BSG: variants seen among roughly 807,000 people sequenced by gnomAD.
BSG encodes the protein basigin.
Under a neutral mutation model 43.1 loss-of-function variants are expected in BSG, and 37 were observed. That is an observed-to-expected ratio of 0.86 (90% CI 0.66 to 1.13). The LOEUF is 1.13. Among genes scored for constraint, BSG ranks in the 50% most tolerant of loss-of-function variants. The pLI, the probability that BSG is intolerant of heterozygous loss-of-function variation, is 0.00. For synonymous variants in BSG, 309 were observed against 238.7 expected, an observed-to-expected ratio of 1.29 and a Z score of -2.72; for missense variants, 599 against 554.2, an observed-to-expected ratio of 1.08 and a Z score of -0.81.
chr19:581,715 G>GT (rs1392483636), intron 6 of BSG, 124 bp downstream of exon 6: 35 of 1,300,820 alleles, frequency 2.7e-5, no homozygotes, highest in Non-Finnish European at 3.6e-5. Flanking sequence ...CAGGCAGGGA[G>GT]TTGATGGGAC....
Position 582,745 on chromosome 19 carries a change from C to A in BSG, c.*6-5C>A. The stretch of plus-strand genomic sequence containing the variant: ...TCCAGTCTGAGCGCCCCTCCCTGTC[C>A]ACAGGTGGCCCGAGGACGCTCCCTG... On this transcript the variant is annotated splice_region_variant and splice_polypyrimidine_tract_variant and intron_variant, in intron 8 of 8. Transcript: ENST00000333511. 1 of 732,686 alleles carries A rather than the reference C, an allele frequency of 1.4e-6. No homozygotes were observed. The highest frequency in any genetic ancestry group is 2.2e-6 in the Non-Finnish European group (1 of 444,970). The allele number at this position is 732,686 out of a possible 1,614,324, so 45.4% of individuals were successfully genotyped here.
chr19:577,741 A>C, intron 1 of BSG, 33 bp from the exon 2 acceptor site: 2 of 1,346,578 alleles, frequency 1.5e-6, no homozygotes, highest in Admixed American at 3.4e-5. Flanking sequence ...TGCCCCAGGC[A>C]CTAACAAGAC....
Position 572,618 on chromosome 19 carries a change from G to A in BSG, c.-17G>A. 6.7e-7 allele frequency: 1 copy of A among 1,491,676 alleles called. No homozygotes were observed. Among genetic ancestry groups the A allele is most frequent in the Non-Finnish European group, 8.9e-7 (1 of 1,117,694 alleles). The allele number at this position is 1,491,676 out of a possible 1,614,324, so 92.4% of individuals were successfully genotyped here. A position where few individuals can be genotyped will look rare whatever the true frequency, so the allele number is the denominator to read the frequency against. On this transcript the variant is annotated 5_prime_UTR_variant, in exon 1 of 9. Coordinates refer to ENST00000333511, the MANE Select transcript of BSG (RefSeq NM_001728.4). ...GGCAGCGGTTGGAGGTTGTAGGACC[G>A]GCGAGGAATAGGAATCATGGCGGCT...
intron 1 of BSG, among the ~76,000 whole-genome samples, chr19:575,565 C>G (rs1460226577): frequency 2.9e-5 from 4 of 137,742 alleles, no homozygotes; most frequent in African/African-American, 1.1e-4. Flanking sequence ...GAGGCTGCTT[C>G]CCAGAGCTGT....
chr19:576,525 G>T (rs953631652), intron 1 of BSG, among the ~76,000 whole-genome samples: 2 of 152,334 alleles, frequency 1.3e-5, no homozygotes, highest in South Asian at 2.1e-4. Context: ...ACTTTGGGAG[G>T]CCCAAGAGGG....
chr19:582,941 A>C lies in BSG; in HGVS notation c.*197A>C. ...TGTTCCTTAGGTTTTTTTCCTTCTG[A>C]AGTGTTTCACGAGAGCCCGGGAGCT... On this transcript the variant is annotated 3_prime_UTR_variant, in exon 9 of 9. Coordinates refer to ENST00000333511, the MANE Select transcript of BSG (RefSeq NM_001728.4). The C allele has an allele frequency of 3.6e-6, 1 of 277,656 alleles. No individual in the cohort carries two copies. The allele number at this position is 277,656 out of a possible 1,614,324, so 17.2% of individuals were successfully genotyped here.
At position 580,388 on chromosome 19, in the gene BSG, C is replaced by A. The variant is rs2229664; in HGVS notation, c.582C>A (p.Ser194=). 1 of 1,610,242 alleles carries A rather than the reference C, an allele frequency of 6.2e-7. No homozygotes were observed. The highest frequency in any genetic ancestry group is 2.2e-5 in the East Asian group (1 of 44,860). The change falls in exon 4 of 9, where the codon TCC becomes TCA. Residue 194 remains serine (S), a synonymous_variant. Coordinates refer to ENST00000333511, the MANE Select transcript of BSG (RefSeq NM_001728.4). The part of the protein sequence containing the change: ...PGQKTEFKVD[S]DDQWGEYSCV... ...CCTGCTGTGGTTGCAGGGTGGACTC[C>A]GACGACCAGTGGGGAGAGTACTCCT...
intron 1 of BSG, among the ~76,000 whole-genome samples, chr19:577,418 G>A (rs1193816221): frequency 1.3e-5 from 2 of 152,172 alleles, no homozygotes; most frequent in African/African-American, 4.8e-5. Context: ...CAGGGTATCG[G>A]GCAGAAGTCA....
chr19:582,766 C>T lies in BSG; in HGVS notation c.*22C>T, dbSNP rs909805449. ...TGTCCACAGGTGGCCCGAGGACGCT[C>T]CCTGCTCCACGTCTGCGCCGCCGCC... On this transcript the variant is annotated 3_prime_UTR_variant, in exon 9 of 9. Transcript: ENST00000333511. The T allele has an allele frequency of 1.6e-6, 1 of 639,390 alleles. No individual in the cohort carries two copies. The highest frequency in any genetic ancestry group is 2.7e-6 in the Non-Finnish European group (1 of 368,114). 39.6% of individuals were successfully genotyped at this position (639,390 alleles called of 1,614,324 possible). A position where few individuals can be genotyped will look rare whatever the true frequency, so the allele number is the denominator to read the frequency against.
chr19:574,859 G>A (rs940800558), intron 1 of BSG, among the ~76,000 whole-genome samples: 2 of 152,196 alleles, frequency 1.3e-5, no homozygotes, highest in Non-Finnish European at 2.9e-5. Context: ...ACACAGATAG[G>A]AGCCCATGGG....
chr19:577,219 C>T (rs1272779308), intron 1 of BSG, among the ~76,000 whole-genome samples: 2 of 151,656 alleles, frequency 1.3e-5, no homozygotes, highest in East Asian at 2.0e-4. Context: ...CCCTGAGGCC[C>T]TGCCTGGCTC....
At chr19:571,734 C>G (rs903421401), upstream of BSG, 6 of 679,024 alleles carry the variant, frequency 8.8e-6, no homozygotes, top group African/African-American at 1.1e-4. Flanking sequence ...GATGCAATCT[C>G]CAGAGCACAC....
intron 6 of BSG, 133 bp from the exon 7 acceptor site, chr19:582,172 CT>C: frequency 8.5e-7 from 1 of 1,175,966 alleles, no homozygotes; most frequent in South Asian, 1.4e-5. Context: ...GGCTGATGAG[CT>C]GCCCCGAGCC....
chr19:578,228 C>G, intron 2 of BSG, 107 bp downstream of exon 2: 1 of 1,192,624 alleles, frequency 8.4e-7, no homozygotes, highest in South Asian at 1.7e-5. Flanking sequence ...CCTCTCCGTC[C>G]CGCTGTGCCC....
chr19:572,314 A>T (rs916103687), upstream of BSG: 4 of 915,226 alleles, frequency 4.4e-6, no homozygotes, highest in Non-Finnish European at 5.3e-6. Flanking sequence ...CTCTGCGCTC[A>T]TTGCAACTTT....
At chr19:582,264 TGTCCTCTC>T in intron 6 of BSG, 34 bp from the exon 7 acceptor site, 1 of 1,604,476 alleles carries the variant, frequency 6.2e-7, no homozygotes, top group Non-Finnish European at 8.5e-7. Flanking sequence ...GCTGACAGGC[TGTCCTCTC>T]GTCCTCTTTT....
rs765810022 is a variant in BSG, at chr19:582,349, G to C, written c.1094+19G>C. ...CACCCCTGTAAGTTCCAGCTGTGGG[G>C]GTCGGGGGTCCCAAGGAGCGGCCTG... On this transcript the variant is annotated intron_variant, in intron 7 of 8. Coordinates refer to ENST00000333511, the MANE Select transcript of BSG (RefSeq NM_001728.4). 6.3e-7 allele frequency: 1 copy of C among 1,596,308 alleles called. No individual in the cohort carries two copies. Among genetic ancestry groups the C allele is most frequent in the African/African-American group, 1.4e-5 (1 of 73,390 alleles).
intron 2 of BSG, 35 bp downstream of exon 2, chr19:578,156 A>C: frequency 6.7e-7 from 1 of 1,493,612 alleles, no homozygotes; most frequent in Non-Finnish European, 9.0e-7. Flanking sequence ...CGCCTCCCTC[A>C]GTTTCCCTCC....
At chr19:581,784 G>C (rs965877938) in intron 6 of BSG, among the ~76,000 whole-genome samples, 193 bp downstream of exon 6, 1 of 152,256 alleles carries the variant, frequency 6.6e-6, no homozygotes, top group African/African-American at 2.4e-5. Flanking sequence ...TCAGTGGGCA[G>C]CGGGACCCCG....
Sources: gnomAD v4.1 joint callset for allele counts (sites outside exome capture counted in the v4.1 genomes callset) on GRCh38, gnomAD v4.1.1 for gene constraint, MANE v1.5 for transcripts, NCBI Gene and HGNC (gene_info 2026-07-23, HGNC 2026-07-21) for gene names.